The following CCDC171 variants were observed in gnomAD, a reference collection of about 807,000 sequenced individuals.
The protein encoded by CCDC171 is coiled-coil domain-containing protein 171.
CCDC171 carries 177 observed loss-of-function variants against 168.2 expected under a neutral mutation model. The ratio of observed to expected loss-of-function variants is 1.05; its 90% CI spans 0.93 to 1.19. CCDC171 has a LOEUF of 1.19. Ranked by LOEUF, CCDC171 falls within the 50% of genes most tolerant of loss-of-function variation. The probability of loss-of-function intolerance (pLI) is 0.00; values close to 1 mark genes in which losing one functional copy is unlikely to be tolerated. For missense variants in CCDC171, 1,991 were observed against 1,539.0 expected (o/e 1.29, Z -4.91); for synonymous variants, 687 against 540.8 (o/e 1.27, Z -3.75).
At chr9:15,868,649 A>C (rs984728426) in intron 23 of CCDC171, among the ~76,000 whole-genome samples, 1 of 152,044 alleles carries the variant, frequency 6.6e-6, no homozygotes, top group Non-Finnish European at 1.5e-5. Flanking sequence ...CAGACAATAG[A>C]TATAAAGAAA....
At chr9:16,039,082 A>G (rs1026935582), upstream of CCDC171, among the ~76,000 whole-genome samples, 6 of 152,230 alleles carry the variant, frequency 3.9e-5, no homozygotes, top group Non-Finnish European at 1.5e-5. Context: ...AGCTGACTTT[A>G]AAAATTAGTG....
intron 11 of CCDC171, among the ~76,000 whole-genome samples, chr9:15,700,900 GTTT>G (rs796112391): frequency 1.3e-4 from 19 of 145,476 alleles, no homozygotes. Flanking sequence ...CCCATTATTA[GTTT>G]TTTTTTTTGT....
intron 25 of CCDC171, among the ~76,000 whole-genome samples, chr9:15,936,109 C>T (rs902872593): frequency 1.3e-5 from 2 of 152,028 alleles, no homozygotes; most frequent in Non-Finnish European, 2.9e-5. Context: ...GTGGTAGAAG[C>T]ACAAGACTAG....
At position 15,597,809 on chromosome 9, in the gene CCDC171, G is replaced by T. The variant is rs567556690; in HGVS notation, c.675+3637G>T. ...TTTGGTTGGTAAGCTATTAATTATT[G>T]CCTCAATTTCAGAGCCTGTTATTGG... is the stretch of plus-strand genomic sequence containing the variant. On this transcript the variant is annotated intron_variant, in intron 6 of 25. Coordinates refer to ENST00000380701, the MANE Select transcript of CCDC171 (RefSeq NM_173550.4). Among the ~76,000 whole-genome samples the T allele has an allele frequency of 1.3e-3, 204 of 152,138 alleles. 1 individual carries two copies. Among genetic ancestry groups the T allele is most frequent in the African/African-American group, 4.8e-3 (199 of 41,494 alleles).
At chr9:15,822,995 C>G (rs2059856303) in intron 21 of CCDC171, among the ~76,000 whole-genome samples, 1 of 151,912 alleles carries the variant, frequency 6.6e-6, no homozygotes, top group African/African-American at 2.4e-5. Context: ...CAATGGAATA[C>G]TATGCAGCCA....
chr9:15,811,806 G>T (rs942319949), intron 21 of CCDC171, among the ~76,000 whole-genome samples: 9 of 152,174 alleles, frequency 5.9e-5, no homozygotes, highest in African/African-American at 2.2e-4. Flanking sequence ...ATTCATGAGT[G>T]AATACAGAAA....
At chr9:16,057,416 T>C (rs1833858201) in intron 1 of CCDC171, among the ~76,000 whole-genome samples, 1 of 152,184 alleles carries the variant, frequency 6.6e-6, no homozygotes. Context: ...CTGGTTTTGG[T>C]TAAGTTCTTT....
chr9:15,888,658 C>T (rs536173800), intron 24 of CCDC171, among the ~76,000 whole-genome samples: 4 of 152,122 alleles, frequency 2.6e-5, no homozygotes, highest in African/African-American at 9.6e-5. Context: ...TTTGTGTATG[C>T]TCTAGTAAAA....
chr9:15,594,373 T>G (rs1031422079), intron 6 of CCDC171, among the ~76,000 whole-genome samples: 2 of 152,132 alleles, frequency 1.3e-5, no homozygotes, highest in Non-Finnish European at 2.9e-5. Flanking sequence ...GTTCAGTGAT[T>G]TCCATTGCAT....
chr9:15,623,560 T>G, intron 7 of CCDC171, 147 bp downstream of exon 7: 2 of 452,054 alleles, frequency 4.4e-6, no homozygotes, highest in South Asian at 8.5e-5. Flanking sequence ...TGATAATATA[T>G]AAAACTAATT....
chr9:15,898,461 G>A (rs1262297586), intron 24 of CCDC171, among the ~76,000 whole-genome samples: 1 of 152,178 alleles, frequency 6.6e-6, no homozygotes, highest in Non-Finnish European at 1.5e-5. Flanking sequence ...CTCTCATGTT[G>A]AGTGTGATGA....
At chr9:15,889,941 A>G (rs533661469) in intron 24 of CCDC171, among the ~76,000 whole-genome samples, 17 of 152,200 alleles carry the variant, frequency 1.1e-4, no homozygotes, top group Non-Finnish European at 2.4e-4. Context: ...GGGACTAGAA[A>G]TGGCTTTGTT....
intron 3 of CCDC171, among the ~76,000 whole-genome samples, chr9:15,998,837 A>G (rs957685137): frequency 2.0e-5 from 3 of 152,240 alleles, no homozygotes; most frequent in African/African-American, 7.2e-5. Flanking sequence ...AGAGAGGGAC[A>G]GTTCTTGCCC....
chr9:15,987,977 A>C (rs886487105), intron 3 of CCDC171, among the ~76,000 whole-genome samples: 1 of 152,230 alleles, frequency 6.6e-6, no homozygotes, highest in African/African-American at 2.4e-5. Flanking sequence ...ACCCTTGTGG[A>C]CAATCTGTGG....
At chr9:15,886,087 A>T (rs191678614) in intron 24 of CCDC171, 1 of 152,322 alleles carries the variant, frequency 6.6e-6, no homozygotes, top group East Asian at 1.9e-4. Context: ...AAAAGAATGA[A>T]ATTGGACCTT....
At chr9:15,742,978 T>C (rs1163132299) in intron 16 of CCDC171, among the ~76,000 whole-genome samples, 1 of 151,662 alleles carries the variant, frequency 6.6e-6, no homozygotes, top group African/African-American at 2.4e-5. Flanking sequence ...AGGGTCTTAG[T>C]CTGTTGCCCA....
At chr9:15,553,902 A>G (rs534585819) in intron 1 of CCDC171, among the ~76,000 whole-genome samples, 10 of 151,460 alleles carry the variant, frequency 6.6e-5, no homozygotes, top group Middle Eastern at 3.4e-3. Flanking sequence ...ATTTTAGGTA[A>G]ATGAGATAAA....
intron 25 of CCDC171, among the ~76,000 whole-genome samples, chr9:15,962,397 C>T (rs1166890248): frequency 6.6e-6 from 1 of 152,114 alleles, no homozygotes; most frequent in Non-Finnish European, 1.5e-5. Context: ...TTAATATAAA[C>T]TAATCATAAA....
intron 6 of CCDC171, among the ~76,000 whole-genome samples, chr9:15,612,974 C>G (rs972341096): frequency 2.6e-5 from 4 of 152,090 alleles, no homozygotes; most frequent in African/African-American, 9.7e-5. Flanking sequence ...GGCTCTGTCG[C>G]CTATTTGAGA....
Sources: allele counts gnomAD v4.1 joint callset (sites outside exome capture counted in the v4.1 genomes callset), GRCh38; gene constraint gnomAD v4.1.1; transcripts MANE v1.5; gene names NCBI Gene and HGNC (gene_info 2026-07-23, HGNC 2026-07-21).